The following EML6 variants were observed in gnomAD, a reference collection of about 807,000 sequenced individuals.
The protein encoded by EML6 is echinoderm microtubule-associated protein-like 6.
In EML6, 154 loss-of-function variants were observed where a neutral mutation model predicts 240.1. The observed-to-expected ratio is 0.64, with a 90% CI of 0.56 to 0.73. The LOEUF is 0.73. Ranked by LOEUF, EML6 falls within the 30% of genes least tolerant of loss-of-function variation. The pLI, the probability that EML6 is intolerant of heterozygous loss-of-function variation, is 0.00. For missense variants in EML6, 2,964 were observed against 2,474.6 expected, an observed-to-expected ratio of 1.20 and a Z score of -4.20; for synonymous variants, 1,148 against 899.0, an observed-to-expected ratio of 1.28 and a Z score of -4.95.
chr2:54,765,113 G>A (rs912353362), intron 2 of EML6, among the ~76,000 whole-genome samples: 60 of 152,030 alleles, frequency 3.9e-4, no homozygotes, highest in African/African-American at 1.4e-3. Flanking sequence ...TCCTTTGAGT[G>A]GAAAACTACC....
intron 7 of EML6, among the ~76,000 whole-genome samples, chr2:54,836,584 C>T (rs141172580): frequency 6.6e-6 from 1 of 152,098 alleles, no homozygotes; most frequent in Admixed American, 6.5e-5. Flanking sequence ...AATGCCCACT[C>T]TGTGGTGGCC....
At chr2:54,741,829 G>A (rs575182660) in intron 2 of EML6, among the ~76,000 whole-genome samples, 16 of 152,318 alleles carry the variant, frequency 1.1e-4, no homozygotes, top group African/African-American at 3.1e-4. Context: ...TCAATGGGGA[G>A]AAGGCAAAGC....
intron 2 of EML6, among the ~76,000 whole-genome samples, chr2:54,796,460 TGAGTA>T (rs1345708253): frequency 6.6e-6 from 1 of 152,156 alleles, no homozygotes; most frequent in East Asian, 1.9e-4. Context: ...TGAAGTGTAT[TGAGTA>T]AAGTGAGCGC....
chr2:54,928,535 A>G (rs10164886), intron 27 of EML6, 21 bp downstream of exon 27: 575,813 of 1,543,950 alleles, frequency 0.37, 111,115 homozygotes, highest in Middle Eastern at 0.45. Flanking sequence ...CACCTGCCAC[A>G]TGCCTCCTGC....
chr2:54,879,728 C>T lies in EML6; in HGVS notation c.2438+88C>T. 3.6e-6 allele frequency: 3 copies of T among 828,872 alleles called. No individual in the cohort carries two copies. The South Asian group carries it at 5.0e-5, about 14-fold the overall frequency. The allele number at this position is 828,872 out of a possible 1,614,324, so 51.3% of individuals were successfully genotyped here. A position where few individuals can be genotyped will look rare whatever the true frequency, so the allele number is the denominator to read the frequency against. On this transcript the variant is annotated intron_variant, in intron 17 of 41. Coordinates refer to ENST00000356458, the MANE Select transcript of EML6 (RefSeq NM_001039753.4). ...TTTTCATTTTCTGGTAAGATTTCAT[C>T]TTCAAACTCAGGTGAAATTGACGTA...
intron 2 of EML6, among the ~76,000 whole-genome samples, chr2:54,788,170 C>G (rs1190883891): frequency 6.6e-6 from 1 of 152,236 alleles, no homozygotes; most frequent in African/African-American, 2.4e-5. Context: ...GCCAGGTTCT[C>G]GCTCACTCGC....
intron 25 of EML6, among the ~76,000 whole-genome samples, chr2:54,914,203 A>C (rs939624383): frequency 6.6e-6 from 1 of 152,206 alleles, no homozygotes; most frequent in Non-Finnish European, 1.5e-5. Context: ...ACAGCTTTAC[A>C]TGATAGTTGT....
At chr2:54,836,915 C>T (rs1374952447) in intron 7 of EML6, among the ~76,000 whole-genome samples, 1 of 152,154 alleles carries the variant, frequency 6.6e-6, no homozygotes, top group Non-Finnish European at 1.5e-5. Context: ...CTTAGAACAT[C>T]AGAAGTCCCT....
intron 2 of EML6, among the ~76,000 whole-genome samples, chr2:54,812,836 C>T (rs548194700): frequency 3.3e-5 from 5 of 152,004 alleles, no homozygotes; most frequent in African/African-American, 1.2e-4. Context: ...AGAAGAGAAC[C>T]TTCCCCTAGT....
chr2:54,886,054 G>A (rs1262948938), intron 17 of EML6, among the ~76,000 whole-genome samples: 2 of 150,334 alleles, frequency 1.3e-5, no homozygotes, highest in African/African-American at 4.9e-5. Flanking sequence ...TTATGCCAAA[G>A]TAGAGGGAAT....
intron 7 of EML6, among the ~76,000 whole-genome samples, chr2:54,837,739 G>T (rs1669229759): frequency 6.6e-6 from 1 of 152,182 alleles, no homozygotes; most frequent in South Asian, 2.1e-4. Context: ...TGAGCAGGCA[G>T]TGGTTCTCAG....
chr2:54,887,356 G>C (rs184540876), intron 17 of EML6, among the ~76,000 whole-genome samples: 1 of 152,078 alleles, frequency 6.6e-6, no homozygotes, highest in Non-Finnish European at 1.5e-5. Context: ...ATTTTCCCTC[G>C]TGAACCATTT....
At chr2:54,856,326 C>G (rs768549261) in intron 11 of EML6, among the ~76,000 whole-genome samples, 2 of 152,196 alleles carry the variant, frequency 1.3e-5, no homozygotes, top group Non-Finnish European at 2.9e-5. Flanking sequence ...GTCCTAATAG[C>G]CTTGGTACGC....
intron 26 of EML6, among the ~76,000 whole-genome samples, chr2:54,920,187 TAAATA>T (rs1674149030): frequency 6.6e-6 from 1 of 151,708 alleles, no homozygotes; most frequent in South Asian, 2.1e-4. Context: ...AGAACAGAAA[TAAATA>T]AAATAGAGAC....
chr2:54,908,300 C>T (rs1365297261), intron 24 of EML6, among the ~76,000 whole-genome samples: 2 of 151,096 alleles, frequency 1.3e-5, no homozygotes, highest in South Asian at 2.1e-4. Flanking sequence ...ATCTGTGCCT[C>T]CTGTGCTCAA....
At chr2:54,951,879 A>G (rs1421887845) in intron 30 of EML6, among the ~76,000 whole-genome samples, 2 of 152,168 alleles carry the variant, frequency 1.3e-5, no homozygotes, top group African/African-American at 4.8e-5. Flanking sequence ...CCTTGCCATC[A>G]TATTGGTAGC....
At chr2:54,900,963 C>T (rs1673024012) in intron 22 of EML6, among the ~76,000 whole-genome samples, 1 of 152,086 alleles carries the variant, frequency 6.6e-6, no homozygotes, top group African/African-American at 2.4e-5. Flanking sequence ...TGAGGTCTGA[C>T]CCTAAAATAT....
At chr2:54,947,172 T>C (rs997626288) in intron 28 of EML6, among the ~76,000 whole-genome samples, 1 of 152,174 alleles carries the variant, frequency 6.6e-6, no homozygotes, top group Non-Finnish European at 1.5e-5. Context: ...GTCATACACT[T>C]AAACGTTCTT....
chr2:54,958,075 G>A (rs988085611), intron 33 of EML6, 77 bp downstream of exon 33: 21 of 1,314,814 alleles, frequency 1.6e-5, no homozygotes, highest in Non-Finnish European at 2.1e-5. Flanking sequence ...CAGGAGGGGA[G>A]TTTGGCCAAG....
Sources: allele counts gnomAD v4.1 joint callset (sites outside exome capture counted in the v4.1 genomes callset), GRCh38; gene constraint gnomAD v4.1.1; transcripts MANE v1.5; gene names NCBI Gene and HGNC (gene_info 2026-07-23, HGNC 2026-07-21).